Variants in NFE2L1 observed in about 807,000 individuals in gnomAD.
The protein encoded by NFE2L1 is NFE2 like bZIP transcription factor 1, also known as endoplasmic reticulum membrane sensor NFE2L1.
In NFE2L1, 18 loss-of-function variants were observed where a neutral mutation model predicts 61.6. That is an observed-to-expected ratio of 0.29 (90% CI 0.20 to 0.43). NFE2L1 has a LOEUF of 0.43. NFE2L1 is among the 20% of genes least tolerant of loss of function. NFE2L1 has a pLI of 1.00. For synonymous variants in NFE2L1, 419 were observed against 402.7 expected (o/e 1.04, Z -0.48); for missense variants, 827 against 973.5 (o/e 0.85, Z 2.00).
chr17:48,059,817 C>A lies in NFE2L1; in HGVS notation c.*176C>A. On this transcript the variant is annotated 3_prime_UTR_variant, in exon 6 of 6. Coordinates refer to ENST00000362042, the MANE Select transcript of NFE2L1 (RefSeq NM_003204.3). The surrounding 1 kb of genome is among the most constrained non-coding windows in gnomAD (Gnocchi z 6.1). ...AAGAGGCAGGCACTGGCTGGCTCAG[C>A]TCCACTCGGGTGGAGTGGAAGTGGC... 1 of 957,950 alleles carries A rather than the reference C, an allele frequency of 1.0e-6. No individual in the cohort carries two copies. Among genetic ancestry groups the A allele is most frequent in the Non-Finnish European group, 1.5e-6 (1 of 673,906 alleles). The allele number at this position is 957,950 out of a possible 1,614,324, so 59.3% of individuals were successfully genotyped here.
Position 48,050,716 on chromosome 17 carries a change from A to G in NFE2L1, c.-403A>G. On this transcript the variant is annotated 5_prime_UTR_variant, in exon 2 of 6. Coordinates refer to ENST00000362042, the MANE Select transcript of NFE2L1 (RefSeq NM_003204.3). The stretch of plus-strand genomic sequence containing the variant: ...AAATAAACCTTAGGAGGGAGAAGGA[A>G]AAAAAAAATCCATCAGCTGTTCCTG... The G allele has an allele frequency of 2.2e-6, 1 of 449,888 alleles. No individual in the cohort carries two copies. The highest frequency in any genetic ancestry group is 3.9e-6 in the Non-Finnish European group (1 of 255,540). The allele number at this position is 449,888 out of a possible 1,614,324, so 27.9% of individuals were successfully genotyped here. A position where few individuals can be genotyped will look rare whatever the true frequency, so the allele number is the denominator to read the frequency against.
rs2037241857 is a variant in NFE2L1 at position 48,051,258 on chromosome 17, G to A, written c.140G>A (p.Ser47Asn). The change falls in exon 2 of 6, where the codon AGT becomes AAT. Residue 47 changes from serine (S) to asparagine (N), a missense_variant. Ser to Asn is a conservative substitution (Grantham distance 46, BLOSUM62 1). Around this residue, in one of 3 missense-constraint regions of NFE2L1, gnomAD observed 667 missense variants for 748.4 expected, o/e 0.89. Transcript: ENST00000362042. The stretch of plus-strand genomic sequence containing the variant: ...CTCCGGGAGATCATCCTGGGGCCCA[G>A]TTCTGCCTATACTCAGACCCAGTTC... ...PPLREIILGP[S>N]SAYTQTQFHN... 6.2e-7 allele frequency: 1 copy of A among 1,614,038 alleles called. No homozygotes were observed. The highest frequency in any genetic ancestry group is 1.7e-5 in the Admixed American group (1 of 60,004).
chr17:48,055,722 C>T (rs889917647), intron 2 of NFE2L1, among the ~76,000 whole-genome samples: 2 of 151,964 alleles, frequency 1.3e-5, no homozygotes, highest in Admixed American at 6.6e-5. Flanking sequence ...GGAATTCTGG[C>T]GGGGATGAGT....
intron 2 of NFE2L1, among the ~76,000 whole-genome samples, chr17:48,052,677 G>T (rs1196746989): frequency 2.0e-5 from 3 of 152,188 alleles, no homozygotes; most frequent in African/African-American, 4.8e-5. Context: ...TAGGCCAGTG[G>T]TCCTCAACTG....
chr17:48,054,981 T>C, intron 2 of NFE2L1: 1 of 1,490,314 alleles, frequency 6.7e-7, no homozygotes, highest in Admixed American at 2.2e-5. Flanking sequence ...CTGTCCGGCT[T>C]CCCGGCACCG....
chr17:48,054,841 G>C, intron 2 of NFE2L1: 1 of 1,182,834 alleles, frequency 8.5e-7, no homozygotes, highest in Non-Finnish European at 1.0e-6. Flanking sequence ...AAGGATGGAG[G>C]AAGGGGGCTG....
At position 48,058,822 on chromosome 17, in the gene NFE2L1, TTCC is replaced by T. The variant is rs768564095; in HGVS notation, c.1509_1511del (p.Ser509del). 8 of 1,613,908 alleles carry T rather than the reference TTCC, an allele frequency of 5.0e-6. No homozygotes were observed. The highest frequency in any genetic ancestry group is 5.9e-6 in the Non-Finnish European group (7 of 1,179,994). ...GCTCTGAAGGCAGTTCTTCCTCTTCTTCCTCCTCCTCTTCCTCTTCTTCCTCTG... is the reference window on the plus strand; with the variant it reads ...GCTCTGAAGGCAGTTCTTCCTCTTCTTCCTCCTCTTCCTCTTCTTCCTCTG... On this transcript the variant is annotated inframe_deletion, in exon 6 of 6. Transcript: ENST00000362042.
In NFE2L1 at chr17:48,058,945, T is replaced by A. The variant is rs765172811; in HGVS notation, c.1623T>A (p.Ala541=). The change falls in exon 6 of 6, where the codon GCT becomes GCA. Residue 541 remains alanine (A), a synonymous_variant. Transcript: ENST00000362042. ...ETLDLEEAEG[A]VGYQPEYSKF... is the part of the protein sequence containing the mutation. ...TGGATCTGGAAGAGGCCGAGGGTGC[T>A]GTGGGCTACCAGCCTGAGTATTCCA... 17 of 1,613,904 alleles carry A rather than the reference T, an allele frequency of 1.1e-5. No individual in the cohort carries two copies. In the Middle Eastern group the frequency reaches 6.6e-4, roughly 62 times the overall value.
intron 1 of NFE2L1, chr17:48,048,992 C>A (rs2037166064): frequency 6.6e-6 from 1 of 152,480 alleles, no homozygotes; most frequent in Non-Finnish European, 1.5e-5. Flanking sequence ...TGCGTGAGAA[C>A]GGGAGGGTAG....
chr17:48,055,451 C>T (rs756880706), intron 2 of NFE2L1, among the ~76,000 whole-genome samples: 69 of 152,110 alleles, frequency 4.5e-4, no homozygotes, highest in African/African-American at 1.6e-3. Context: ...CAACTGTTCA[C>T]GAGCCACCAG....
In NFE2L1 at chr17:48,058,588, C is replaced by T; in HGVS notation, c.1266C>T (p.Leu422=). ...CAGGGCTCTTCTTTCCACCCCAGCT[C>T]AATGGCACAGCCAATGACACAGCAG... is the stretch of plus-strand genomic sequence containing the variant. ...NLTGLFFPPQ[L]NGTANDTAGP... Residue 422 remains leucine, a synonymous_variant, in exon 6 of 6, where the codon CTC becomes CTT. Transcript: ENST00000362042. 1 of 1,613,766 alleles carries T rather than the reference C, an allele frequency of 6.2e-7. No individual in the cohort carries two copies.
In NFE2L1 at chr17:48,051,102, A is replaced by G; in HGVS notation, c.-17A>G. The G allele has an allele frequency of 1.2e-6, 2 of 1,614,156 alleles. No homozygotes were observed. Among genetic ancestry groups the G allele is most frequent in the South Asian group, 1.1e-5 (1 of 91,076 alleles). On this transcript the variant is annotated 5_prime_UTR_variant, in exon 2 of 6. Coordinates refer to ENST00000362042, the MANE Select transcript of NFE2L1 (RefSeq NM_003204.3). ...ATTTTAAAAACCAAAAAGCATAAAC[A>G]TTCTGGTCCTTCAGCAATGCTTTCT...
intron 3 of NFE2L1, 62 bp from the exon 4 acceptor site, chr17:48,056,970 A>C: frequency 6.5e-7 from 1 of 1,545,488 alleles, no homozygotes; most frequent in Non-Finnish European, 8.9e-7. Context: ...TCTGGGAAAG[A>C]AGCTTCAGCC....
In NFE2L1 at chr17:48,051,208, T is replaced by C. The variant is rs778598273; in HGVS notation, c.90T>C (p.Thr30=). 40 of 1,614,092 alleles carry C rather than the reference T, an allele frequency of 2.5e-5. No individual in the cohort carries two copies. In the Admixed American group the frequency reaches 6.5e-4, roughly 26 times the overall value. The change falls in exon 2 of 6, where the codon ACT becomes ACC. Residue 30 remains threonine, a synonymous_variant. Coordinates refer to ENST00000362042, the MANE Select transcript of NFE2L1 (RefSeq NM_003204.3). ...TTGGGGTACGGGTGGACGTGGATAC[T>C]TACCTGACCTCACAGCTTCCCCCAC... is the stretch of plus-strand genomic sequence containing the variant. ...SLIGVRVDVD[T]YLTSQLPPLR...
chr17:48,050,553 A>G (rs2037224945), intron 1 of NFE2L1, 54 bp from the exon 2 acceptor site: 1 of 405,584 alleles, frequency 2.5e-6, no homozygotes, highest in Non-Finnish European at 4.4e-6. Context: ...TACCCTGATC[A>G]TGATGTGAAA....
At chr17:48,057,316 T>G in intron 4 of NFE2L1, 28 bp from the exon 5 acceptor site, 6 of 1,606,730 alleles carry the variant, frequency 3.7e-6, no homozygotes, top group Non-Finnish European at 5.1e-6. Flanking sequence ...TCCTTCCCCC[T>G]TGTTAAAGCC....
chr17:48,058,199 C>T, intron 5 of NFE2L1, 96 bp from the exon 6 acceptor site: 1 of 1,484,524 alleles, frequency 6.7e-7, no homozygotes, highest in Non-Finnish European at 9.0e-7. Flanking sequence ...GCCTTTACAC[C>T]CATGCAGCTG....
chr17:48,059,386 C>T lies in NFE2L1; in HGVS notation c.2064C>T (p.Asp688=). ...TGAATCTGGAGCGTGATGTGGAGGACCTGCAGCGTGACAAAGCCCGGCTGC... is the reference window on the plus strand; with the variant it reads ...TGAATCTGGAGCGTGATGTGGAGGATCTGCAGCGTGACAAAGCCCGGCTGC... ...TILNLERDVE[D]LQRDKARLLR... Residue 688 remains aspartate (D), a synonymous_variant, in exon 6 of 6, where the codon GAC becomes GAT. Transcript: ENST00000362042. This position sits in a 1 kb window ranked among gnomAD's most constrained non-coding sequence, Gnocchi z 6.1. The T allele has an allele frequency of 6.2e-7, 1 of 1,614,184 alleles. No homozygotes were observed. Among genetic ancestry groups the T allele is most frequent in the African/African-American group, 1.3e-5 (1 of 75,046 alleles).
chr17:48,053,399 C>T lies in NFE2L1; in HGVS notation c.510+1771C>T, dbSNP rs186049483. On this transcript the variant is annotated intron_variant, in intron 2 of 5. Coordinates refer to ENST00000362042, the MANE Select transcript of NFE2L1 (RefSeq NM_003204.3). ...GGGGGAAGGGAGGATTATTATGTGT[C>T]TAGAACAACATTTCCTCAGCAACTC... Among the ~76,000 whole-genome samples the T allele has an allele frequency of 2.4e-4, 36 of 152,182 alleles. No individual in the cohort carries two copies. In the East Asian group the frequency reaches 6.8e-3, roughly 29 times the overall value.
Sources: gnomAD v4.1 joint callset for allele counts (sites outside exome capture counted in the v4.1 genomes callset) on GRCh38, gnomAD v4.1.1 for gene constraint, gnomAD v4.1.1 regional missense constraint, Gnocchi (gnomAD v3.1) non-coding constraint, MANE v1.5 for transcripts, NCBI Gene and HGNC (gene_info 2026-07-23, HGNC 2026-07-21) for gene names.